Variants in EXOC6 observed in about 807,000 individuals in gnomAD.
The protein encoded by EXOC6 is exocyst complex component 6.
Under a neutral mutation model 112.5 loss-of-function variants are expected in EXOC6, and 60 were observed. The observed-to-expected ratio is 0.53, with a 90% CI of 0.43 to 0.66. EXOC6 has a LOEUF of 0.66. EXOC6 is among the 30% of genes least tolerant of loss of function. The probability of loss-of-function intolerance (pLI) is 0.00; values close to 1 mark genes in which losing one functional copy is unlikely to be tolerated. For synonymous variants in EXOC6, 295 were observed against 308.0 expected (o/e 0.96, Z 0.44); for missense variants, 855 against 957.1 (o/e 0.89, Z 1.41).
intron 20 of EXOC6, among the ~76,000 whole-genome samples, chr10:93,029,743 A>G (rs1845188531): frequency 6.6e-6 from 1 of 152,140 alleles, no homozygotes; most frequent in Non-Finnish European, 1.5e-5. Flanking sequence ...TTTCTTCTGT[A>G]ATTTTATTGT....
chr10:92,880,578 A>T (rs75045009), intron 1 of EXOC6, among the ~76,000 whole-genome samples: 1,632 of 152,338 alleles, frequency 0.011, 33 homozygotes, highest in African/African-American at 0.037. Context: ...AACTTAGAAG[A>T]TAAAATATAC....
At chr10:93,016,372 A>G (rs1472915566) in intron 20 of EXOC6, among the ~76,000 whole-genome samples, 1 of 151,632 alleles carries the variant, frequency 6.6e-6, no homozygotes. Context: ...AACTCCCGGC[A>G]TCAAGTGATC....
chr10:92,880,965 T>C (rs1030258496), intron 1 of EXOC6, among the ~76,000 whole-genome samples: 1 of 152,248 alleles, frequency 6.6e-6, no homozygotes, highest in African/African-American at 2.4e-5. Context: ...ACTTTTTGTT[T>C]TTCTTTAGGA....
At chr10:92,841,773 A>G (rs4417182) in intron 1 of EXOC6, among the ~76,000 whole-genome samples, 61,777 of 152,118 alleles carry the variant, frequency 0.41, 13,036 homozygotes, top group African/African-American at 0.49. Flanking sequence ...TGGAACCAGA[A>G]GGATATGGGT....
At chr10:92,852,493 G>T (rs1402973088) in intron 1 of EXOC6, among the ~76,000 whole-genome samples, 3 of 152,086 alleles carry the variant, frequency 2.0e-5, no homozygotes, top group Non-Finnish European at 2.9e-5. Context: ...ATCCATATAT[G>T]TGGATTTAAA....
At position 92,980,261 on chromosome 10, in the gene EXOC6, A is replaced by G. The variant is rs189566898; in HGVS notation, c.1953+6029A>G. Among the ~76,000 whole-genome samples, 30 of 152,310 alleles carry G rather than the reference A, an allele frequency of 2.0e-4. No homozygotes were observed. The East Asian group carries it at 3.5e-3, about 18-fold the overall frequency. On this transcript the variant is annotated intron_variant, in intron 18 of 21. Coordinates refer to ENST00000260762, the MANE Select transcript of EXOC6 (RefSeq NM_019053.6). ...AATTTACTAGCTATGGGATCCTGGC[A>G]AGTTGCTTAATCTCTCTGAGCCTCT... is the stretch of plus-strand genomic sequence containing the variant.
intron 14 of EXOC6, among the ~76,000 whole-genome samples, chr10:92,949,593 G>C (rs1476332685): frequency 6.9e-6 from 1 of 144,078 alleles, no homozygotes; most frequent in South Asian, 2.2e-4. Flanking sequence ...TCTGCTTGTG[G>C]CTTTTTTTTT....
chr10:93,040,972 T>C (rs1845741137), intron 20 of EXOC6, among the ~76,000 whole-genome samples: 1 of 152,258 alleles, frequency 6.6e-6, no homozygotes, highest in Non-Finnish European at 1.5e-5. Flanking sequence ...TTTCATCAGA[T>C]CTCTGGCAGT....
At chr10:92,966,320 G>T (rs1842051186) in intron 17 of EXOC6, among the ~76,000 whole-genome samples, 1 of 137,062 alleles carries the variant, frequency 7.3e-6, no homozygotes, top group Non-Finnish European at 1.6e-5. Flanking sequence ...TACTTTTAGG[G>T]TACATGTGCA....
At chr10:92,834,215 A>G (rs1377224012), upstream of EXOC6, among the ~76,000 whole-genome samples, 1 of 151,812 alleles carries the variant, frequency 6.6e-6, no homozygotes, top group Non-Finnish European at 1.5e-5. Context: ...CCCATAGCAC[A>G]TTTCATTTTT....
chr10:92,873,689 T>C (rs1848556910), intron 1 of EXOC6, among the ~76,000 whole-genome samples: 1 of 152,104 alleles, frequency 6.6e-6, no homozygotes, highest in Admixed American at 6.5e-5. Flanking sequence ...AAATATTTCA[T>C]GGAAAAACAC....
At chr10:92,866,464 G>T (rs10786055) in intron 1 of EXOC6, among the ~76,000 whole-genome samples, 147,896 of 152,244 alleles carry the variant, frequency 0.97, 71,863 homozygotes, top group East Asian at 1. Context: ...GTAATCAGTC[G>T]TCTTGGGTTC....
intron 1 of EXOC6, among the ~76,000 whole-genome samples, chr10:92,841,223 G>C (rs2490734): frequency 0.99 from 150,634 of 152,302 alleles, 74,518 homozygotes; most frequent in Middle Eastern, 1. Flanking sequence ...TCCCATCTAT[G>C]TCTCTCCTCA....
At chr10:93,046,281 G>A (rs1845998009) in intron 20 of EXOC6, among the ~76,000 whole-genome samples, 1 of 152,210 alleles carries the variant, frequency 6.6e-6, no homozygotes, top group Non-Finnish European at 1.5e-5. Context: ...AAGGAGATAA[G>A]TGCTGGGATA....
chr10:92,925,273 A>G (rs990902672), intron 8 of EXOC6, among the ~76,000 whole-genome samples: 12 of 152,100 alleles, frequency 7.9e-5, no homozygotes, highest in African/African-American at 2.4e-5. Context: ...TTTAAATAAT[A>G]TTGACTGCTT....
intron 13 of EXOC6, among the ~76,000 whole-genome samples, chr10:92,941,694 C>G (rs986744862): frequency 1.3e-5 from 2 of 152,040 alleles, no homozygotes; most frequent in East Asian, 1.9e-4. Context: ...GCTGTTTTTA[C>G]AAATAAAATA....
At chr10:92,997,408 GAT>G in intron 18 of EXOC6, 64 bp from the exon 19 acceptor site, 1 of 1,439,486 alleles carries the variant, frequency 6.9e-7, no homozygotes, top group South Asian at 1.4e-5. Context: ...TGATTTTTCT[GAT>G]TCTTTATGAT....
At chr10:92,973,587 A>G (rs889614988) in intron 17 of EXOC6, among the ~76,000 whole-genome samples, 1 of 152,220 alleles carries the variant, frequency 6.6e-6, no homozygotes, top group Admixed American at 6.5e-5. Flanking sequence ...GAAATTAACT[A>G]TCTCAATCTC....
intron 13 of EXOC6, among the ~76,000 whole-genome samples, chr10:92,945,070 C>T (rs1852903894): frequency 6.6e-6 from 1 of 152,122 alleles, no homozygotes; most frequent in African/African-American, 2.4e-5. Context: ...CTGTGCCTGG[C>T]CAGCCTTGTT....
Sources: allele counts gnomAD v4.1 joint callset (sites outside exome capture counted in the v4.1 genomes callset), GRCh38; gene constraint gnomAD v4.1.1; transcripts MANE v1.5; gene names NCBI Gene and HGNC (gene_info 2026-07-23, HGNC 2026-07-21).